SKA2: variants seen among roughly 807,000 people sequenced by gnomAD.
SKA2 encodes spindle and kinetochore-associated protein 2.
A neutral mutation model predicts 16.9 loss-of-function variants in SKA2; 13 were observed. That is an observed-to-expected ratio of 0.77 (90% CI 0.50 to 1.22). SKA2 has a LOEUF of 1.22. Among genes scored for constraint, SKA2 ranks in the 50% most tolerant of loss-of-function variants. The pLI, the probability that SKA2 is intolerant of heterozygous loss-of-function variation, is 0.00. For missense variants in SKA2, 107 were observed against 139.7 expected, an observed-to-expected ratio of 0.77 and a Z score of 1.18; for synonymous variants, 47 against 48.5, an observed-to-expected ratio of 0.97 and a Z score of 0.13.
intron 3 of SKA2, chr17:59,118,143 G>A (rs2046309069): frequency 6.6e-6 from 1 of 152,234 alleles, no homozygotes; most frequent in South Asian, 2.1e-4. Context: ...GCAGGCGCTT[G>A]TAATCCCAGC....
chr17:59,115,832 C>CA (rs2046292722), intron 3 of SKA2, among the ~76,000 whole-genome samples: 1 of 152,186 alleles, frequency 6.6e-6, no homozygotes, highest in Non-Finnish European at 1.5e-5. Flanking sequence ...AATAAATTCT[C>CA]AAAGAATTTT....
In SKA2 at chr17:59,138,532, G is replaced by A. The variant is rs536040506; in HGVS notation, c.34-7165C>T. Among the ~76,000 whole-genome samples, 31 of 152,126 alleles carry A rather than the reference G, an allele frequency of 2.0e-4. No individual in the cohort carries two copies. The South Asian group carries it at 5.6e-3, about 27-fold the overall frequency. ...CTGCAACCTCTGCCTCCAGGCTCAAGCAATTCTCATGCCTCAGCCTCCCGA... is the reference window on the plus strand; with the variant it reads ...CTGCAACCTCTGCCTCCAGGCTCAAACAATTCTCATGCCTCAGCCTCCCGA... On this transcript the variant is annotated intron_variant, in intron 1 of 3. Coordinates refer to ENST00000330137, the MANE Select transcript of SKA2 (RefSeq NM_182620.4).
rs533607199 is a variant in SKA2, at chr17:59,123,178, G to A, written c.121-3683C>T. On this transcript the variant is annotated intron_variant, in intron 2 of 3. Coordinates refer to ENST00000330137, the MANE Select transcript of SKA2 (RefSeq NM_182620.4). ...CTTATATAAAAGAGTTACAGAAATT[G>A]TGAAGACAGGAATAAATATGGGTAG... 9.3e-5 allele frequency among the ~76,000 whole-genome samples: 14 copies of A among 150,374 alleles called. No individual in the cohort carries two copies. The East Asian group carries it at 1.8e-3, about 19-fold the overall frequency.
chr17:59,143,054 G>A (rs976942634), intron 1 of SKA2, among the ~76,000 whole-genome samples: 6 of 149,296 alleles, frequency 4.0e-5, no homozygotes, highest in African/African-American at 9.9e-5. Context: ...GATTATAGGC[G>A]TGAGCCACCA....
At chr17:59,119,891 C>T (rs1260044128) in intron 2 of SKA2, among the ~76,000 whole-genome samples, 3 of 151,626 alleles carry the variant, frequency 2.0e-5, no homozygotes, top group Admixed American at 2.0e-4. Flanking sequence ...AGAATAAGAA[C>T]TTGAAACTAC....
intron 3 of SKA2, among the ~76,000 whole-genome samples, chr17:59,117,622 A>T (rs1291005273): frequency 8.7e-5 from 13 of 148,694 alleles, no homozygotes; most frequent in Admixed American, 6.8e-4. Context: ...ATAGGTTCTC[A>T]CTATGTTGTC....
At chr17:59,137,630 G>A (rs1253523450) in intron 1 of SKA2, 4 of 374,118 alleles carry the variant, frequency 1.1e-5, no homozygotes, top group South Asian at 2.1e-5. Context: ...AAAAAGAAAA[G>A]TTACCTTCTT....
chr17:59,148,824 A>AG (rs2046554627), intron 1 of SKA2, among the ~76,000 whole-genome samples: 1 of 150,692 alleles, frequency 6.6e-6, no homozygotes, highest in Non-Finnish European at 1.5e-5. Context: ...AAAAAAAAAA[A>AG]AAAAAAGAAA....
chr17:59,138,493 G>C (rs774395122), intron 1 of SKA2, among the ~76,000 whole-genome samples: 1 of 151,836 alleles, frequency 6.6e-6, no homozygotes, highest in Non-Finnish European at 1.5e-5. Context: ...GGGCAGTGGC[G>C]CAATCTCAGC....
chr17:59,114,733 G>A (rs1599656008), intron 3 of SKA2, among the ~76,000 whole-genome samples: 2 of 152,272 alleles, frequency 1.3e-5, no homozygotes, highest in East Asian at 3.9e-4. Context: ...AAGTTGTAAG[G>A]GACTTTCACA....
intron 1 of SKA2, among the ~76,000 whole-genome samples, chr17:59,148,277 C>G (rs995864042): frequency 6.6e-6 from 1 of 152,244 alleles, no homozygotes; most frequent in African/African-American, 2.4e-5. Flanking sequence ...CTCGATATTG[C>G]TAACATAACA....
chr17:59,152,916 C>G (rs535753477), intron 1 of SKA2, among the ~76,000 whole-genome samples: 18 of 151,372 alleles, frequency 1.2e-4, no homozygotes, highest in South Asian at 2.1e-4. Flanking sequence ...GGAAAAAAAC[C>G]TCATTTCTTT....
rs776360470 is a variant in SKA2, at chr17:59,154,999, CAGG to C, written c.33+129_33+131del. The C allele has an allele frequency of 5.5e-5, 88 of 1,613,860 alleles. 1 individual carries two copies. The South Asian group carries it at 8.8e-4, about 16-fold the overall frequency. ...CAGACGGTGGCGGCTCCCTTTGGTG[CAGG>C]AGGAGGGAACTCGACTCTGGTCCAG... is the stretch of plus-strand genomic sequence containing the variant. On this transcript the variant is annotated intron_variant, in intron 1 of 3. Transcript: ENST00000330137.
At chr17:59,150,137 G>C (rs12150181) in intron 1 of SKA2, among the ~76,000 whole-genome samples, 38,407 of 152,126 alleles carry the variant, frequency 0.25, 5,460 homozygotes, top group Middle Eastern at 0.43. Flanking sequence ...CACCCCTGTA[G>C]TCCAAGCTAC....
chr17:59,152,982 A>G (rs576610501), intron 1 of SKA2, among the ~76,000 whole-genome samples: 2 of 152,200 alleles, frequency 1.3e-5, no homozygotes, highest in Non-Finnish European at 2.9e-5. Flanking sequence ...ACAATACCTA[A>G]AAGTTTAAAT....
At chr17:59,143,939 T>G (rs997828048) in intron 1 of SKA2, among the ~76,000 whole-genome samples, 4 of 152,016 alleles carry the variant, frequency 2.6e-5, no homozygotes, top group African/African-American at 9.7e-5. Context: ...GGGCGGATCA[T>G]GATGTCAAGA....
chr17:59,154,248 C>T (rs965420614), intron 1 of SKA2, among the ~76,000 whole-genome samples: 1 of 150,998 alleles, frequency 6.6e-6, no homozygotes, highest in African/African-American at 2.4e-5. Flanking sequence ...AACAAGGACA[C>T]TAAGAGGAAA....
intron 1 of SKA2, among the ~76,000 whole-genome samples, chr17:59,137,249 C>G (rs1348723635): frequency 2.0e-5 from 3 of 152,156 alleles, no homozygotes; most frequent in African/African-American, 7.2e-5. Context: ...AACTCCTGAG[C>G]TCAAACAATC....
intron 1 of SKA2, among the ~76,000 whole-genome samples, chr17:59,142,626 TA>T (rs1185538230): frequency 4.0e-5 from 6 of 148,768 alleles, no homozygotes; most frequent in Admixed American, 1.3e-4. Context: ...ATTTTAATAT[TA>T]AAAAAAAAGA....
Sources: gnomAD v4.1 joint callset for allele counts (sites outside exome capture counted in the v4.1 genomes callset) on GRCh38, gnomAD v4.1.1 for gene constraint, MANE v1.5 for transcripts, NCBI Gene and HGNC (gene_info 2026-07-23, HGNC 2026-07-21) for gene names.